The following F13A1 variants were observed in gnomAD, a reference collection of about 807,000 sequenced individuals.
F13A1 encodes the protein FSF, A subunit.
F13A1 carries 47 observed loss-of-function variants against 80.1 expected under a neutral mutation model. That is an observed-to-expected ratio of 0.59 (90% CI 0.46 to 0.75). The LOEUF is 0.75. F13A1 is among the 30% of genes least tolerant of loss of function. The pLI is 0.00. For synonymous variants in F13A1, 349 were observed against 344.9 expected, an observed-to-expected ratio of 1.01 and a Z score of -0.13; for missense variants, 817 against 930.4, an observed-to-expected ratio of 0.88 and a Z score of 1.59.
rs1243104173 is a variant in F13A1 at position 6,144,836 on chromosome 6, T to C, written c.*783A>G. 6.5e-6 allele frequency: 1 copy of C among 152,678 alleles called. No homozygotes were observed. The highest frequency in any genetic ancestry group is 1.9e-4 in the East Asian group (1 of 5,204). The allele number at this position is 152,678 out of a possible 1,614,324, so 9.5% of individuals were successfully genotyped here. A position where few individuals can be genotyped will look rare whatever the true frequency, so the allele number is the denominator to read the frequency against. On this transcript the variant is annotated 3_prime_UTR_variant, in exon 15 of 15. Coordinates refer to ENST00000264870, the MANE Select transcript of F13A1 (RefSeq NM_000129.4). The stretch of plus-strand genomic sequence containing the variant: ...ATAAATTCTTCACTTTACTTCCTAG[T>C]ATTGCATCCCAGAAAGGGTTAAAGT...
At chr6:6,183,131 GTTA>G (rs905546710) in intron 10 of F13A1, among the ~76,000 whole-genome samples, 14 of 152,214 alleles carry the variant, frequency 9.2e-5, no homozygotes, top group African/African-American at 2.6e-4. Context: ...GAAGGTTCCA[GTTA>G]TTATCATGGA....
chr6:6,176,967 C>G (rs993197677), intron 11 of F13A1, among the ~76,000 whole-genome samples: 6 of 152,128 alleles, frequency 3.9e-5, no homozygotes, highest in Admixed American at 1.3e-4. Flanking sequence ...GACCGCCAAA[C>G]AGAAGCAGGC....
At chr6:6,257,768 C>G (rs1757722407) in intron 4 of F13A1, among the ~76,000 whole-genome samples, 1 of 152,156 alleles carries the variant, frequency 6.6e-6, no homozygotes, top group African/African-American at 2.4e-5. Context: ...ACAGCTCACA[C>G]CAGCTTGAGA....
chr6:6,146,678 A>G (rs1485434380), intron 14 of F13A1, among the ~76,000 whole-genome samples: 1 of 152,200 alleles, frequency 6.6e-6, no homozygotes, highest in Non-Finnish European at 1.5e-5. Context: ...GAAAAATGGA[A>G]GGTAACCAGT....
chr6:6,166,977 G>A (rs1479747140), intron 13 of F13A1, among the ~76,000 whole-genome samples: 5 of 152,130 alleles, frequency 3.3e-5, no homozygotes, highest in Non-Finnish European at 5.9e-5. Flanking sequence ...CAAGGCACAC[G>A]CACATACAAA....
intron 9 of F13A1, 93 bp downstream of exon 9, chr6:6,197,130 A>T: frequency 8.4e-7 from 1 of 1,185,892 alleles, no homozygotes; most frequent in Non-Finnish European, 1.2e-6. Context: ...GTTGCCTCCC[A>T]ATGGGCGTGG....
chr6:6,159,138 T>C (rs1300230208), intron 13 of F13A1, among the ~76,000 whole-genome samples: 1 of 152,110 alleles, frequency 6.6e-6, no homozygotes, highest in Non-Finnish European at 1.5e-5. Flanking sequence ...CCTGACCTCG[T>C]GATCCACCCA....
intron 3 of F13A1, among the ~76,000 whole-genome samples, chr6:6,294,573 A>AACAC (rs574168007): frequency 6.0e-5 from 9 of 151,048 alleles, no homozygotes; most frequent in African/African-American, 1.7e-4. Flanking sequence ...TATATGTACA[A>AACAC]ACACACACAC....
intron 11 of F13A1, among the ~76,000 whole-genome samples, chr6:6,177,440 A>G (rs1051872621): frequency 6.6e-6 from 1 of 152,134 alleles, no homozygotes; most frequent in African/African-American, 2.4e-5. Context: ...TGCAAGCTCC[A>G]TGAGAACAGA....
In F13A1 at chr6:6,167,625, G is replaced by A; in HGVS notation, c.1748-7C>T. ...AGCACCGCCTCTTTCTTGACTAGTA[G>A]GAGAAAACACACACAGGCCTGGCAT... On this transcript the variant is annotated splice_polypyrimidine_tract_variant and splice_region_variant and intron_variant, in intron 12 of 14. Transcript: ENST00000264870. 1 of 1,612,838 alleles carries A rather than the reference G, an allele frequency of 6.2e-7. No homozygotes were observed. The highest frequency in any genetic ancestry group is 8.5e-7 in the Non-Finnish European group (1 of 1,179,944).
At chr6:6,165,199 C>T (rs190586343) in intron 13 of F13A1, among the ~76,000 whole-genome samples, 2 of 152,300 alleles carry the variant, frequency 1.3e-5, no homozygotes, top group East Asian at 3.9e-4. Flanking sequence ...GGAACAGCAT[C>T]TCTGGTTGCT....
In F13A1 at chr6:6,190,968, G is replaced by A. The variant is rs182474525; in HGVS notation, c.1305+4829C>T. Among the ~76,000 whole-genome samples, 696 of 152,280 alleles carry A rather than the reference G, an allele frequency of 4.6e-3. 17 individuals carry two copies. The highest frequency in any genetic ancestry group is 0.041 in the East Asian group (211 of 5,180). On this transcript the variant is annotated intron_variant, in intron 10 of 14. Coordinates refer to ENST00000264870, the MANE Select transcript of F13A1 (RefSeq NM_000129.4). ...CCCGTCGGAAAAGCGCAGTATTTGG[G>A]TGTGAGTGACCCGATTTTCCAGGTG...
chr6:6,204,373 A>T (rs1294089587), intron 8 of F13A1, among the ~76,000 whole-genome samples: 1 of 152,242 alleles, frequency 6.6e-6, no homozygotes, highest in Non-Finnish European at 1.5e-5. Flanking sequence ...TCTTGGACCA[A>T]CTTCAACTGT....
At position 6,161,551 on chromosome 6, in the gene F13A1, T is replaced by A. The variant is rs865896585; in HGVS notation, c.1908+5907A>T. On this transcript the variant is annotated intron_variant, in intron 13 of 14. Coordinates refer to ENST00000264870, the MANE Select transcript of F13A1 (RefSeq NM_000129.4). Reference sequence around the variant, plus strand: ...GTGTGTGTGTGTGTGTGTGTGTGTGTGAGAGAGAGAGAGAGAGAGAGAGAG... The same window carrying A: ...GTGTGTGTGTGTGTGTGTGTGTGTGAGAGAGAGAGAGAGAGAGAGAGAGAG... Among the ~76,000 whole-genome samples the A allele has an allele frequency of 7.0e-3, 1,020 of 146,364 alleles. 10 individuals carry two copies. Among genetic ancestry groups the A allele is most frequent in the African/African-American group, 0.019 (753 of 39,316 alleles).
chr6:6,300,564 A>G (rs1325983666), intron 3 of F13A1, among the ~76,000 whole-genome samples: 2 of 152,096 alleles, frequency 1.3e-5, no homozygotes, highest in South Asian at 2.1e-4. Flanking sequence ...GACCCCTTGC[A>G]CTTCCTGAGT....
intron 14 of F13A1, among the ~76,000 whole-genome samples, chr6:6,148,645 TG>T (rs764102292): frequency 3.3e-5 from 5 of 152,104 alleles, no homozygotes; most frequent in Non-Finnish European, 5.9e-5. Flanking sequence ...CATATGGAAG[TG>T]GGCACGGACT....
intron 8 of F13A1, among the ~76,000 whole-genome samples, chr6:6,221,067 C>T (rs1341067536): frequency 6.6e-6 from 1 of 152,150 alleles, no homozygotes; most frequent in East Asian, 1.9e-4. Flanking sequence ...AGTGTTTTAG[C>T]TTTATTATTT....
intron 2 of F13A1, 60 bp from the exon 3 acceptor site, chr6:6,305,599 A>C: frequency 6.4e-7 from 1 of 1,560,262 alleles, no homozygotes; most frequent in Non-Finnish European, 8.8e-7. Flanking sequence ...TTTAAACATA[A>C]ACTCAAAAAC....
In F13A1 at chr6:6,162,080, C is replaced by T. The variant is rs1487731972; in HGVS notation, c.1908+5378G>A. On this transcript the variant is annotated intron_variant, in intron 13 of 14. Transcript: ENST00000264870. The surrounding 1 kb of genome is among the most constrained non-coding windows in gnomAD (Gnocchi z 4.2). ...TTGAAGAGAAGGGAGGAAGAAAAAGCGGCTCCGACTTGTGGGAGAGCAGAG... is the reference window on the plus strand; with the variant it reads ...TTGAAGAGAAGGGAGGAAGAAAAAGTGGCTCCGACTTGTGGGAGAGCAGAG... Among the ~76,000 whole-genome samples the T allele has an allele frequency of 5.9e-5, 9 of 152,246 alleles. No individual in the cohort carries two copies. Among genetic ancestry groups the T allele is most frequent in the African/African-American group, 1.2e-4 (5 of 41,538 alleles).
Sources: allele counts gnomAD v4.1 joint callset (sites outside exome capture counted in the v4.1 genomes callset), GRCh38; gene constraint gnomAD v4.1.1; non-coding constraint Gnocchi (gnomAD v3.1); transcripts MANE v1.5; gene names NCBI Gene and HGNC (gene_info 2026-07-23, HGNC 2026-07-21).